The following FAM228B variants were observed in gnomAD, a reference collection of about 807,000 sequenced individuals.
FAM228B encodes the protein protein FAM228B.
Under a neutral mutation model 42.6 loss-of-function variants are expected in FAM228B, and 38 were observed. That is an observed-to-expected ratio of 0.89 (90% confidence interval 0.69 to 1.17). The LOEUF is 1.17. FAM228B is among the 50% of genes most tolerant of loss of function. The pLI is 0.00. For missense variants in FAM228B, 344 were observed against 367.3 expected (o/e 0.94, Z 0.52); for synonymous variants, 109 against 122.3 (o/e 0.89, Z 0.72).
At chr2:24,130,427 AAC>A (rs1241515979) in intron 2 of FAM228B, among the ~76,000 whole-genome samples, 2 of 152,214 alleles carry the variant, frequency 1.3e-5, no homozygotes, top group Non-Finnish European at 2.9e-5. Context: ...CATTCCCACT[AAC>A]AGTGTAAAAG....
rs1421266866 is a variant in FAM228B at position 24,089,966 on chromosome 2, T to TA, written c.-209-5166dup. 7.0e-3 allele frequency among the ~76,000 whole-genome samples: 147 copies of TA among 21,052 alleles called. 4 individuals carry two copies. The South Asian group carries it at 0.17, about 24-fold the overall frequency. 13.8% of individuals were successfully genotyped at this position (21,052 alleles called of 152,430 possible). On this transcript the variant is annotated intron_variant, in intron 2 of 10. Transcript: ENST00000613899. Reference sequence around the variant, plus strand: ...TGGGGAACAAGAGCAAAACTCCGTCTAAAAAAAAAGAAAAAAAAAAAAAAA... The same window carrying TA: ...TGGGGAACAAGAGCAAAACTCCGTCTAAAAAAAAAAGAAAAAAAAAAAAAAA...
At chr2:24,135,983 T>TG (rs1558385906) in intron 3 of FAM228B, among the ~76,000 whole-genome samples, 1 of 151,276 alleles carries the variant, frequency 6.6e-6, no homozygotes, top group African/African-American at 2.4e-5. Context: ...AGGGTTTTTT[T>TG]TTTTTTTTTT....
intron 3 of FAM228B, among the ~76,000 whole-genome samples, chr2:24,107,166 A>AT (rs1665715968): frequency 6.6e-6 from 1 of 152,212 alleles, no homozygotes; most frequent in Non-Finnish European, 1.5e-5. Context: ...CCTAACAAAG[A>AT]TAAAAAAAGA....
intron 2 of FAM228B, among the ~76,000 whole-genome samples, chr2:24,091,382 G>A (rs566753997): frequency 3.9e-5 from 6 of 152,284 alleles, no homozygotes; most frequent in African/African-American, 1.2e-4. Flanking sequence ...GCAGTGAGCC[G>A]AGATCGCCAC....
intron 3 of FAM228B, among the ~76,000 whole-genome samples, chr2:24,110,799 G>C (rs1021852478): frequency 6.6e-6 from 1 of 152,214 alleles, no homozygotes; most frequent in African/African-American, 2.4e-5. Context: ...TCAGACAGAA[G>C]TGTGGGTAGT....
At chr2:24,151,466 A>G (rs1432097131) in intron 7 of FAM228B, among the ~76,000 whole-genome samples, 1 of 150,994 alleles carries the variant, frequency 6.6e-6, no homozygotes, top group Non-Finnish European at 1.5e-5. Context: ...AATTTTTTGT[A>G]TTTTTATTAG....
intron 2 of FAM228B, among the ~76,000 whole-genome samples, chr2:24,125,419 A>G (rs886530953): frequency 3.3e-5 from 5 of 152,312 alleles, no homozygotes; most frequent in Admixed American, 3.3e-4. Flanking sequence ...TTTGACATGT[A>G]TACACACGAA....
At chr2:24,147,181 T>C in intron 7 of FAM228B, 95 bp downstream of exon 7, 2 of 911,344 alleles carry the variant, frequency 2.2e-6, no homozygotes, top group Non-Finnish European at 3.1e-6. Flanking sequence ...TTTTTTAAAA[T>C]TATCATTTTT....
intron 2 of FAM228B, among the ~76,000 whole-genome samples, chr2:24,087,909 A>G (rs1665298056): frequency 6.7e-6 from 1 of 149,176 alleles, no homozygotes; most frequent in Non-Finnish European, 1.5e-5. Context: ...TTTGTATTTT[A>G]GTAGAGACAG....
At chr2:24,161,215 G>A (rs1667277383) in intron 7 of FAM228B, among the ~76,000 whole-genome samples, 1 of 152,192 alleles carries the variant, frequency 6.6e-6, no homozygotes, top group Admixed American at 6.5e-5. Context: ...GGAGGCCGAG[G>A]CAGGAAGATC....
chr2:24,167,772 A>T, intron 10 of FAM228B, 89 bp downstream of exon 10: 12 of 1,427,960 alleles, frequency 8.4e-6, no homozygotes, highest in Non-Finnish European at 1.1e-5. Context: ...CAGAGTCCAC[A>T]GTGGGAGGGA....
intron 7 of FAM228B, among the ~76,000 whole-genome samples, chr2:24,153,280 A>G (rs911788726): frequency 2.0e-5 from 3 of 152,132 alleles, no homozygotes; most frequent in Non-Finnish European, 4.4e-5. Flanking sequence ...CACCATAGCC[A>G]CCACAGCTAG....
In FAM228B at chr2:24,077,630, G is replaced by A. The variant is rs1428651023; in HGVS notation, c.-290+661G>A. 1.2e-5 allele frequency: 19 copies of A among 1,614,110 alleles called. No homozygotes were observed. The highest frequency in any genetic ancestry group is 1.6e-5 in the Non-Finnish European group (19 of 1,179,998). On this transcript the variant is annotated intron_variant, in intron 1 of 10. Coordinates refer to the FAM228B transcript ENST00000613899. This position sits in a 1 kb window ranked among gnomAD's most constrained non-coding sequence, Gnocchi z 5.5. ...TGCCTATGTTCTTGTTGGCCTCCAT[G>A]TACTTATGGGCCTCCTGGATTTCGG...
chr2:24,103,232 G>A (rs763801110), intron 3 of FAM228B, among the ~76,000 whole-genome samples: 19 of 152,200 alleles, frequency 1.2e-4, no homozygotes, highest in Non-Finnish European at 2.5e-4. Flanking sequence ...GAGCCCTTTT[G>A]TATACTGGGT....
Position 24,084,318 on chromosome 2 carries a change from G to A in FAM228B, c.-210+3363G>A, listed in dbSNP as rs758857803. The A allele has an allele frequency of 6.8e-6, 11 of 1,613,820 alleles. No individual in the cohort carries two copies. Among genetic ancestry groups the A allele is most frequent in the Non-Finnish European group, 7.6e-6 (9 of 1,179,962 alleles). On this transcript the variant is annotated intron_variant, in intron 2 of 10. Transcript: ENST00000613899. The surrounding 1 kb of genome is among the most constrained non-coding windows in gnomAD (Gnocchi z 8.4). ...GTCCTCCCGGCTTGTCAAAGTGCACGGCTAACATATTGTCTGAGGACACAG... is the reference window on the plus strand; with the variant it reads ...GTCCTCCCGGCTTGTCAAAGTGCACAGCTAACATATTGTCTGAGGACACAG...
chr2:24,091,152 G>A (rs1050589326), intron 2 of FAM228B, among the ~76,000 whole-genome samples: 2 of 152,188 alleles, frequency 1.3e-5, no homozygotes, highest in African/African-American at 4.8e-5. Flanking sequence ...CTTAGAAAAC[G>A]CAAGAGATGC....
chr2:24,092,778 T>C (rs1573732019), intron 2 of FAM228B, among the ~76,000 whole-genome samples: 2 of 152,300 alleles, frequency 1.3e-5, no homozygotes, highest in South Asian at 4.1e-4. Context: ...GCTGCATAAA[T>C]TGTGAATTCT....
chr2:24,141,339 G>C (rs1023147562), intron 5 of FAM228B, among the ~76,000 whole-genome samples: 1 of 152,172 alleles, frequency 6.6e-6, no homozygotes, highest in African/African-American at 2.4e-5. Flanking sequence ...CGCCTCCCAG[G>C]TTCACACCAT....
At chr2:24,078,326 G>C (rs919113368) in intron 1 of FAM228B, among the ~76,000 whole-genome samples, 1 of 151,980 alleles carries the variant, frequency 6.6e-6, no homozygotes, top group African/African-American at 2.4e-5. Flanking sequence ...ACTTGAGCCT[G>C]GGAGTTTGAG....
Sources: gnomAD v4.1 joint callset for allele counts (sites outside exome capture counted in the v4.1 genomes callset) on GRCh38, gnomAD v4.1.1 for gene constraint, Gnocchi (gnomAD v3.1) non-coding constraint, MANE v1.5 for transcripts, NCBI Gene and HGNC (gene_info 2026-07-23, HGNC 2026-07-21) for gene names.